The following PIGU variants were observed in gnomAD, a reference collection of about 807,000 sequenced individuals.
PIGU encodes the protein phosphatidylinositol glycan anchor biosynthesis class U.
PIGU carries 24 observed loss-of-function variants against 49.9 expected under a neutral mutation model. The observed-to-expected ratio is 0.48, with a 90% CI of 0.35 to 0.68. PIGU has a LOEUF of 0.68. Ranked by LOEUF, PIGU falls within the 30% of genes least tolerant of loss-of-function variation. The probability of loss-of-function intolerance (pLI) is 0.01; values close to 1 mark genes in which losing one functional copy is unlikely to be tolerated. For synonymous variants in PIGU, 220 were observed against 205.7 expected (o/e 1.07, Z -0.59); for missense variants, 490 against 532.6 (o/e 0.92, Z 0.79).
intron 6 of PIGU, among the ~76,000 whole-genome samples, chr20:34,633,069 A>G (rs963432638): frequency 6.6e-6 from 1 of 152,210 alleles, no homozygotes; most frequent in Admixed American, 6.5e-5. Context: ...AATAAAAGGT[A>G]GTACATGGAA....
intron 7 of PIGU, among the ~76,000 whole-genome samples, chr20:34,598,278 G>C (rs898049800): frequency 6.6e-6 from 1 of 152,158 alleles, no homozygotes; most frequent in Non-Finnish European, 1.5e-5. Context: ...TGGGACCTGA[G>C]GTGGGATGGA....
intron 4 of PIGU, 162 bp downstream of exon 4, chr20:34,644,002 T>C: frequency 1.8e-6 from 1 of 558,118 alleles, no homozygotes; most frequent in Admixed American, 3.0e-5. Context: ...TCTTGTGGGT[T>C]TGGGGTTGAT....
chr20:34,585,026 G>C (rs998454698), intron 9 of PIGU, among the ~76,000 whole-genome samples: 1 of 151,952 alleles, frequency 6.6e-6, no homozygotes, highest in Non-Finnish European at 1.5e-5. Flanking sequence ...GTAGATACAG[G>C]ATCTTGCTAT....
intron 11 of PIGU, among the ~76,000 whole-genome samples, chr20:34,573,028 T>G (rs1170099518): frequency 6.6e-6 from 1 of 152,166 alleles, no homozygotes; most frequent in African/African-American, 2.4e-5. Context: ...TTTTTTATTT[T>G]TTGGTAGAGA....
At chr20:34,622,540 A>T (rs544493131) in intron 6 of PIGU, among the ~76,000 whole-genome samples, 74 of 151,940 alleles carry the variant, frequency 4.9e-4, no homozygotes, top group Middle Eastern at 6.8e-3. Context: ...ACAAAAAAAA[A>T]GTTACAATCC....
intron 2 of PIGU, among the ~76,000 whole-genome samples, chr20:34,653,881 G>C (rs544001902): frequency 6.6e-6 from 1 of 150,818 alleles, no homozygotes. Context: ...TTTTTGAGAC[G>C]GAGTCTCGCT....
At chr20:34,587,669 G>T (rs1339407881) in intron 8 of PIGU, among the ~76,000 whole-genome samples, 1 of 152,060 alleles carries the variant, frequency 6.6e-6, no homozygotes, top group South Asian at 2.1e-4. Context: ...TGCCGGCATC[G>T]GTAACCACCC....
intron 1 of PIGU, among the ~76,000 whole-genome samples, chr20:34,669,849 G>T (rs762408994): frequency 3.6e-4 from 54 of 152,066 alleles, no homozygotes; most frequent in Non-Finnish European, 6.8e-4. Flanking sequence ...CTATGGAAGA[G>T]AAAGGGAACC....
intron 4 of PIGU, 57 bp from the exon 5 acceptor site, chr20:34,638,042 G>A (rs146475287): frequency 2.5e-4 from 378 of 1,533,316 alleles, no homozygotes; most frequent in Middle Eastern, 1.7e-3. Flanking sequence ...ACTTCCCATT[G>A]TTTTTATGCT....
chr20:34,571,971 C>A (rs1983031504), intron 11 of PIGU, among the ~76,000 whole-genome samples: 1 of 152,114 alleles, frequency 6.6e-6, no homozygotes, highest in Admixed American at 6.5e-5. Context: ...AAGCCAGCAG[C>A]CCCAGGAAGT....
rs775279678 is a variant in PIGU, at chr20:34,647,404, G to C, written c.196-2070C>G. Among the ~76,000 whole-genome samples, 86 of 152,008 alleles carry C rather than the reference G, an allele frequency of 5.7e-4. 2 individuals are homozygous for C. Among genetic ancestry groups the C allele is most frequent in the Non-Finnish European group, 1.0e-3 (69 of 68,006 alleles). On this transcript the variant is annotated intron_variant, in intron 2 of 11. Coordinates refer to ENST00000217446, the MANE Select transcript of PIGU (RefSeq NM_080476.5). ...AGCCTCCCAAGTAGCTGGGATTACA[G>C]CCGCGCGCCACCACACCTGGCTAAT...
chr20:34,627,613 T>C (rs1390425937), intron 6 of PIGU, among the ~76,000 whole-genome samples: 2 of 152,146 alleles, frequency 1.3e-5, no homozygotes, highest in Admixed American at 6.5e-5. Flanking sequence ...GAGCGACTCC[T>C]AGGAAAACAA....
At chr20:34,585,904 C>T (rs1983681752) in intron 8 of PIGU, among the ~76,000 whole-genome samples, 1 of 152,206 alleles carries the variant, frequency 6.6e-6, no homozygotes, top group Non-Finnish European at 1.5e-5. Context: ...ATACCCAGTA[C>T]TGTAACAAAT....
At chr20:34,623,085 C>A (rs952038029) in intron 6 of PIGU, among the ~76,000 whole-genome samples, 1 of 151,980 alleles carries the variant, frequency 6.6e-6, no homozygotes, top group Non-Finnish European at 1.5e-5. Context: ...GAGGTGGGGC[C>A]ATGGGGACTG....
chr20:34,648,343 G>A (rs1600658911), intron 2 of PIGU, among the ~76,000 whole-genome samples: 1 of 151,204 alleles, frequency 6.6e-6, no homozygotes, highest in African/African-American at 2.4e-5. Context: ...GTTCTATGTA[G>A]AATTACTATA....
Position 34,560,591 on chromosome 20 carries a change from C to G in PIGU, c.*275G>C, listed in dbSNP as rs1982436589. 3 of 423,642 alleles carry G rather than the reference C, an allele frequency of 7.1e-6. No homozygotes were observed. The highest frequency in any genetic ancestry group is 1.2e-4 in the South Asian group (2 of 16,632). The allele number at this position is 423,642 out of a possible 1,614,324, so 26.2% of individuals were successfully genotyped here. On this transcript the variant is annotated 3_prime_UTR_variant, in exon 12 of 12. Coordinates refer to ENST00000217446, the MANE Select transcript of PIGU (RefSeq NM_080476.5). ...ATTAAGTAGCCACAATCTAACAAGCCCTGCTCACCTGCCTCTTCTCCTTCC... is the reference window on the plus strand; with the variant it reads ...ATTAAGTAGCCACAATCTAACAAGCGCTGCTCACCTGCCTCTTCTCCTTCC...
At chr20:34,641,318 A>C (rs1255216862) in intron 4 of PIGU, among the ~76,000 whole-genome samples, 1 of 151,900 alleles carries the variant, frequency 6.6e-6, no homozygotes, top group Non-Finnish European at 1.5e-5. Context: ...CCCTGTCCCT[A>C]CTCCTCTCCA....
intron 7 of PIGU, among the ~76,000 whole-genome samples, chr20:34,612,340 A>T (rs1216198287): frequency 3.3e-5 from 5 of 152,066 alleles, no homozygotes; most frequent in Non-Finnish European, 7.4e-5. Flanking sequence ...AACATCACAC[A>T]CTGGGGCCTG....
chr20:34,668,792 TAAAATA>T (rs1987204274), intron 1 of PIGU, among the ~76,000 whole-genome samples: 1 of 82,058 alleles, frequency 1.2e-5, no homozygotes, highest in South Asian at 3.9e-4. Flanking sequence ...AATAAATAAA[TAAAATA>T]AAAATAAAAA....
Sources: allele counts gnomAD v4.1 joint callset (sites outside exome capture counted in the v4.1 genomes callset), GRCh38; gene constraint gnomAD v4.1.1; transcripts MANE v1.5; gene names NCBI Gene and HGNC (gene_info 2026-07-23, HGNC 2026-07-21).